The following PLA2G4F variants were observed in gnomAD, a reference collection of about 807,000 sequenced individuals.
The protein encoded by PLA2G4F is phospholipase A2 group IVF, also known as cytosolic phospholipase A2 zeta.
A neutral mutation model predicts 103.1 loss-of-function variants in PLA2G4F; 105 were observed. The observed-to-expected ratio is 1.02, with a 90% CI of 0.87 to 1.20. The LOEUF is 1.20. Ranked by LOEUF, PLA2G4F falls within the 50% of genes most tolerant of loss-of-function variation. PLA2G4F has a pLI of 0.00. For missense variants in PLA2G4F, 1,155 were observed against 1,075.9 expected, an observed-to-expected ratio of 1.07 and a Z score of -1.03; for synonymous variants, 468 against 441.1, an observed-to-expected ratio of 1.06 and a Z score of -0.76.
Position 42,154,348 on chromosome 15 carries a change from G to A in PLA2G4F, c.295C>T (p.His99Tyr), listed in dbSNP as rs1280119185. The change falls in exon 3 of 20, where the codon CAC becomes TAC. Residue 99 changes from histidine to tyrosine, a missense_variant. By Grantham distance (83) the His-to-Tyr change is moderately conservative. This residue lies in a region of PLA2G4F where 370 missense variants were observed against 364.9 expected (regional missense o/e 1.01). Transcript: ENST00000397272. The stretch of plus-strand genomic sequence containing the variant: ...TTCACAGCACCATGGATCTGGTAGT[G>A]GAAGGTCTCATTCCACTCGGGGTCA... ...CSDPEWNETF[H>Y]YQIHGAVKNV... 4.3e-6 allele frequency: 7 copies of A among 1,610,380 alleles called. No homozygotes were observed. The highest frequency in any genetic ancestry group is 1.1e-5 in the South Asian group (1 of 90,758).
Position 42,141,703 on chromosome 15 carries a change from C to T in PLA2G4F, c.*281G>A, listed in dbSNP as rs1198302804. The T allele has an allele frequency of 5.3e-6, 3 of 561,740 alleles. No homozygotes were observed. The Admixed American group carries it at 6.7e-5, about 13-fold the overall frequency. 34.8% of individuals were successfully genotyped at this position (561,740 alleles called of 1,614,324 possible). On this transcript the variant is annotated 3_prime_UTR_variant, in exon 20 of 20. Coordinates refer to ENST00000397272, the MANE Select transcript of PLA2G4F (RefSeq NM_213600.4). ...TCTGTGGCTCACCTGATTCTCTCCA[C>T]ACCCCGCTGTGAAATGAGTGCTGTT...
chr15:42,147,949 G>C (rs144617619), intron 11 of PLA2G4F, 187 bp from the exon 12 acceptor site: 9 of 484,564 alleles, frequency 1.9e-5, no homozygotes, highest in Middle Eastern at 1.0e-3. Flanking sequence ...CCAGCACTTC[G>C]GGAGGCCGAG....
In PLA2G4F at chr15:42,146,202, G is replaced by A. The variant is rs201424548; in HGVS notation, c.1459C>T (p.Arg487Cys). The A allele has an allele frequency of 2.8e-4, 449 of 1,614,232 alleles. No individual in the cohort carries two copies. The highest frequency in any genetic ancestry group is 8.5e-4 in the East Asian group (38 of 44,886). Reference sequence around the variant, plus strand: ...ATGGGGTAAGGGTTCTGACCCTGGCGGACCGCCTCCTGTTGGTCAGACAGC... The same window carrying A: ...ATGGGGTAAGGGTTCTGACCCTGGCAGACCGCCTCCTGTTGGTCAGACAGC... The part of the protein sequence containing the change: ...AKLSDQQEAV[R>C]QGQNPYPIYT... The change falls in exon 14 of 20, where the codon CGC (arginine) becomes TGC (cysteine). Residue 487 changes from arginine to cysteine, a missense_variant. Transcript: ENST00000397272.
chr15:42,154,599 G>A, intron 2 of PLA2G4F, 141 bp from the exon 3 acceptor site: 2 of 944,352 alleles, frequency 2.1e-6, no homozygotes, highest in Non-Finnish European at 3.0e-6. Flanking sequence ...AGGAGGTGGA[G>A]GGAGAGCCTT....
intron 2 of PLA2G4F, among the ~76,000 whole-genome samples, chr15:42,154,981 A>G (rs1308008428): frequency 6.6e-6 from 1 of 151,936 alleles, no homozygotes; most frequent in Non-Finnish European, 1.5e-5. Flanking sequence ...ACACATGTGT[A>G]GTACTCTCAC....
At chr15:42,149,056 C>T (rs772840610) in intron 11 of PLA2G4F, 5 of 985,264 alleles carry the variant, frequency 5.1e-6, no homozygotes, top group South Asian at 4.7e-5. Flanking sequence ...TCTCAGCACG[C>T]CTTTCCTCCT....
In PLA2G4F at chr15:42,147,770, CAAT is replaced by C. The variant is rs760745200; in HGVS notation, c.1060-11_1060-9del. On this transcript the variant is annotated splice_polypyrimidine_tract_variant and intron_variant, in intron 11 of 19. Coordinates refer to ENST00000397272, the MANE Select transcript of PLA2G4F (RefSeq NM_213600.4). Reference sequence around the variant, plus strand: ...CACAGCCACTACAGGCACCTGGGTACAATAATAACAAGGATAACGACTCCGACT... The same window carrying C: ...CACAGCCACTACAGGCACCTGGGTACAATAACAAGGATAACGACTCCGACT... The C allele has an allele frequency of 8.8e-6, 14 of 1,585,386 alleles. No individual in the cohort carries two copies. Among genetic ancestry groups the C allele is most frequent in the African/African-American group, 8.1e-5 (6 of 73,738 alleles).
Position 42,144,658 on chromosome 15 carries a change from G to A in PLA2G4F, c.1781-14C>T. 1 of 1,559,246 alleles carries A rather than the reference G, an allele frequency of 6.4e-7. No individual in the cohort carries two copies. Among genetic ancestry groups the A allele is most frequent in the Non-Finnish European group, 8.7e-7 (1 of 1,153,382 alleles). ...TCTGGCAGTCGTCTAGACAGGGGCG[G>A]GACAGTGAAATAGAGGGGAAAGTGG... On this transcript the variant is annotated splice_polypyrimidine_tract_variant and intron_variant, in intron 16 of 19. Coordinates refer to ENST00000397272, the MANE Select transcript of PLA2G4F (RefSeq NM_213600.4).
At position 42,146,224 on chromosome 15, in the gene PLA2G4F, C is replaced by T. The variant is rs1328609422; in HGVS notation, c.1437G>A (p.Leu479=). 2 of 1,614,104 alleles carry T rather than the reference C, an allele frequency of 1.2e-6. No homozygotes were observed. Among genetic ancestry groups the T allele is most frequent in the Non-Finnish European group, 1.7e-6 (2 of 1,180,038 alleles). The change falls in exon 14 of 20, where the codon CTG becomes CTA. Residue 479 remains leucine, a synonymous_variant. Transcript: ENST00000397272. ...LLYQEENPAK[L]SDQQEAVRQG... ...GGCGGACCGCCTCCTGTTGGTCAGA[C>T]AGCTTGGCAGGGTTCTCCTGGGCAG...
chr15:42,144,222 G>A lies in PLA2G4F; in HGVS notation c.1976-78C>T, dbSNP rs555786903. On this transcript the variant is annotated intron_variant, in intron 17 of 19. Transcript: ENST00000397272. ...CAACCGCTTCTGTATTTGCATTCAC[G>A]TTTGCCTTCTCTCTGTAGAGTTCTC... The A allele has an allele frequency of 3.0e-5, 45 of 1,499,028 alleles. 1 individual carries two copies. Among genetic ancestry groups the A allele is most frequent in the Admixed American group, 1.3e-4 (7 of 52,196 alleles). The allele number at this position is 1,499,028 out of a possible 1,614,324, so 92.9% of individuals were successfully genotyped here. A position where few individuals can be genotyped will look rare whatever the true frequency, so the allele number is the denominator to read the frequency against.
At chr15:42,143,176 TAAAAAAAAAAAAA>T (rs56171986) in intron 18 of PLA2G4F, among the ~76,000 whole-genome samples, 3 of 89,698 alleles carry the variant, frequency 3.3e-5, no homozygotes, top group African/African-American at 9.8e-5. Flanking sequence ...AGACTCCATC[TAAAAAAAAAAAAA>T]AAAAAAAAAA....
chr15:42,153,720 TC>T (rs1026404509), intron 4 of PLA2G4F, 60 bp from the exon 5 acceptor site: 2 of 1,589,118 alleles, frequency 1.3e-6, no homozygotes, highest in African/African-American at 2.7e-5. Context: ...CCAGAGCTGT[TC>T]CTGCCTGCCA....
Position 42,141,836 on chromosome 15 carries a change from G to C in PLA2G4F, c.*148C>G, listed in dbSNP as rs2048828862. 1 of 788,680 alleles carries C rather than the reference G, an allele frequency of 1.3e-6. No individual in the cohort carries two copies. The highest frequency in any genetic ancestry group is 1.7e-5 in the African/African-American group (1 of 57,596). 48.9% of individuals were successfully genotyped at this position (788,680 alleles called of 1,614,324 possible). A position where few individuals can be genotyped will look rare whatever the true frequency, so the allele number is the denominator to read the frequency against. ...CAGTCCAAGCTGCAATTCTGCAAGA[G>C]CTTTCCGGGGCCTGGGGCACCTCGA... On this transcript the variant is annotated 3_prime_UTR_variant, in exon 20 of 20. Coordinates refer to ENST00000397272, the MANE Select transcript of PLA2G4F (RefSeq NM_213600.4).
At position 42,141,833 on chromosome 15, in the gene PLA2G4F, A is replaced by G; in HGVS notation, c.*151T>C. ...CCCCAGTCCAAGCTGCAATTCTGCA[A>G]GAGCTTTCCGGGGCCTGGGGCACCT... On this transcript the variant is annotated 3_prime_UTR_variant, in exon 20 of 20. Transcript: ENST00000397272. The G allele has an allele frequency of 1.3e-6, 1 of 769,118 alleles. No individual in the cohort carries two copies. The allele number at this position is 769,118 out of a possible 1,614,324, so 47.6% of individuals were successfully genotyped here.
At chr15:42,151,374 G>A in intron 7 of PLA2G4F, 1 of 985,360 alleles carries the variant, frequency 1.0e-6, no homozygotes, top group Non-Finnish European at 1.2e-6. Flanking sequence ...TGGGAGGAGT[G>A]AGGGGGTGGG....
intron 18 of PLA2G4F, among the ~76,000 whole-genome samples, chr15:42,143,176 TAA>T (rs56171986): frequency 8.0e-4 from 72 of 89,686 alleles, no homozygotes; most frequent in African/African-American, 3.2e-3. Flanking sequence ...AGACTCCATC[TAA>T]AAAAAAAAAA....
Position 42,142,428 on chromosome 15 carries a change from C to G in PLA2G4F, c.2329+100G>C. 2.9e-6 allele frequency: 4 copies of G among 1,385,856 alleles called. No individual in the cohort carries two copies. In the South Asian group the frequency reaches 4.2e-5, roughly 15 times the overall value. 85.8% of individuals were successfully genotyped at this position (1,385,856 alleles called of 1,614,324 possible). A position where few individuals can be genotyped will look rare whatever the true frequency, so the allele number is the denominator to read the frequency against. On this transcript the variant is annotated intron_variant, in intron 19 of 19. Coordinates refer to ENST00000397272, the MANE Select transcript of PLA2G4F (RefSeq NM_213600.4). ...GGGCCAGCTCAGGCCCACCAGGAGGCGTGCTTAGTGACATTCTCCAGGGAA... is the reference window on the plus strand; with the variant it reads ...GGGCCAGCTCAGGCCCACCAGGAGGGGTGCTTAGTGACATTCTCCAGGGAA...
Position 42,146,195 on chromosome 15 carries a change from C to G in PLA2G4F, c.1466G>C (p.Gly489Ala), listed in dbSNP as rs769635311. Reference sequence around the variant, plus strand: ...GGTGTAAATGGGGTAAGGGTTCTGACCCTGGCGGACCGCCTCCTGTTGGTC... The same window carrying G: ...GGTGTAAATGGGGTAAGGGTTCTGAGCCTGGCGGACCGCCTCCTGTTGGTC... ...LSDQQEAVRQGQNPYPIYTSV... is the reference protein window; with the variant it reads ...LSDQQEAVRQAQNPYPIYTSV... The change falls in exon 14 of 20, where the codon GGT becomes GCT. Residue 489 changes from glycine to alanine, a missense_variant. Around this residue, in one of 3 missense-constraint regions of PLA2G4F, gnomAD observed 782 missense variants for 692.9 expected, o/e 1.13. Transcript: ENST00000397272. 2.4e-5 allele frequency: 38 copies of G among 1,614,152 alleles called. No individual in the cohort carries two copies. The highest frequency in any genetic ancestry group is 1.7e-5 in the Non-Finnish European group (20 of 1,180,056).
chr15:42,147,564 G>A (rs1375886275), intron 12 of PLA2G4F, 62 bp downstream of exon 12: 4 of 1,576,770 alleles, frequency 2.5e-6, no homozygotes, highest in Admixed American at 1.7e-5. Context: ...AAGATCACCA[G>A]GTCACAACCC....
Sources: allele counts gnomAD v4.1 joint callset (sites outside exome capture counted in the v4.1 genomes callset), GRCh38; gene constraint gnomAD v4.1.1; regional missense constraint gnomAD v4.1.1; transcripts MANE v1.5; gene names NCBI Gene and HGNC (gene_info 2026-07-23, HGNC 2026-07-21).